Variants in ZCCHC17 observed in about 807,000 individuals in gnomAD.
ZCCHC17 encodes zinc finger CCHC-type containing 17.
In ZCCHC17, 18 loss-of-function variants were observed where a neutral mutation model predicts 30.6. The observed-to-expected ratio is 0.59, with a 90% confidence interval of 0.41 to 0.87. The LOEUF is 0.87. Among genes scored for constraint, ZCCHC17 ranks in the 40% least tolerant of loss-of-function variants. The pLI is 0.00. For missense variants in ZCCHC17, 263 were observed against 284.2 expected (o/e 0.93, Z 0.54); for synonymous variants, 88 against 92.4 (o/e 0.95, Z 0.27).
intron 1 of ZCCHC17, among the ~76,000 whole-genome samples, chr1:31,303,693 A>G (rs1646375487): frequency 6.6e-6 from 1 of 152,178 alleles, no homozygotes; most frequent in Non-Finnish European, 1.5e-5. Flanking sequence ...GGAAGCATGT[A>G]CAGATAACAT....
intron 5 of ZCCHC17, 117 bp from the exon 6 acceptor site, chr1:31,346,521 CTT>C: frequency 8.3e-7 from 1 of 1,199,234 alleles, no homozygotes; most frequent in Non-Finnish European, 1.1e-6. Flanking sequence ...CTGTCAAAAA[CTT>C]TCTTTCTTTC....
At chr1:31,343,346 C>A (rs1639116328) in intron 5 of ZCCHC17, among the ~76,000 whole-genome samples, 1 of 152,200 alleles carries the variant, frequency 6.6e-6, no homozygotes, top group South Asian at 2.1e-4. Context: ...AGGCGTGAGC[C>A]ATCACACCCA....
chr1:31,345,551 TATATATATATAATATA>T (rs1238124991), intron 5 of ZCCHC17, among the ~76,000 whole-genome samples: 2 of 140,616 alleles, frequency 1.4e-5, no homozygotes, highest in African/African-American at 5.3e-5. Flanking sequence ...GACATTTATA[TATATATATATAATATA>T]ATATATATAT....
At chr1:31,337,973 TTTTC>T (rs1206906222) in intron 4 of ZCCHC17, among the ~76,000 whole-genome samples, 1 of 151,808 alleles carries the variant, frequency 6.6e-6, no homozygotes, top group Non-Finnish European at 1.5e-5. Context: ...TAGAGACAAT[TTTTC>T]TTTCTTTTTT....
In ZCCHC17 at chr1:31,346,358, C is replaced by T. The variant is rs1008616690; in HGVS notation, c.318-282C>T. On this transcript the variant is annotated intron_variant, in intron 5 of 7. Transcript: ENST00000344147. ...GAAAGCCTTTGAAGGTCTTTTAAAC[C>T]TATGAGTGACCTGGTAAGGGTTGTA... 2.0e-5 allele frequency among the ~76,000 whole-genome samples: 3 copies of T among 152,250 alleles called. No homozygotes were observed. In the South Asian group the frequency reaches 6.2e-4, roughly 32 times the overall value.
intron 5 of ZCCHC17, among the ~76,000 whole-genome samples, chr1:31,342,561 C>T (rs934816102): frequency 4.6e-5 from 7 of 152,126 alleles, no homozygotes; most frequent in East Asian, 1.9e-4. Flanking sequence ...ATAGGGGGTG[C>T]GCAACCTAGA....
intron 2 of ZCCHC17, among the ~76,000 whole-genome samples, chr1:31,310,791 G>A (rs549385795): frequency 6.6e-6 from 1 of 152,292 alleles, no homozygotes; most frequent in East Asian, 1.9e-4. Context: ...TTCTCTTCTA[G>A]ATGTTTTCAC....
chr1:31,338,561 G>A (rs1638911764), intron 4 of ZCCHC17, among the ~76,000 whole-genome samples: 1 of 152,212 alleles, frequency 6.6e-6, no homozygotes, highest in Non-Finnish European at 1.5e-5. Flanking sequence ...CATGCTTAAA[G>A]AAGCTCTAGA....
intron 5 of ZCCHC17, among the ~76,000 whole-genome samples, chr1:31,346,269 A>C (rs1183320425): frequency 6.6e-6 from 1 of 152,170 alleles, no homozygotes; most frequent in Non-Finnish European, 1.5e-5. Flanking sequence ...CTGGAAAAGT[A>C]GTTTAGAGAC....
chr1:31,364,052 T>G lies in ZCCHC17; in HGVS notation c.585T>G (p.His195Gln), dbSNP rs759359470. 3.3e-5 allele frequency: 54 copies of G among 1,611,964 alleles called. No homozygotes were observed. The highest frequency in any genetic ancestry group is 5.1e-5 in the Admixed American group (3 of 59,380). ...TTCAGGAGAAGAAGAAAAAGAAACA[T>G]AGAGATAGGAAGTCATCTGACTCTG... ...KRKKEKKKKK[H>Q]RDRKSSDSDS... Residue 195 changes from histidine to glutamine, a missense_variant, in exon 8 of 8, where the codon CAT becomes CAG. His to Gln is a conservative substitution (Grantham distance 24). Transcript: ENST00000344147.
chr1:31,341,844 T>C (rs985904118), intron 5 of ZCCHC17, among the ~76,000 whole-genome samples: 3 of 152,236 alleles, frequency 2.0e-5, no homozygotes, highest in East Asian at 3.8e-4. Flanking sequence ...ATGGTAGACA[T>C]ACATGTAGCT....
chr1:31,345,497 A>G (rs1001510412), intron 5 of ZCCHC17, among the ~76,000 whole-genome samples: 1 of 80,222 alleles, frequency 1.2e-5, no homozygotes, highest in East Asian at 6.6e-4. Flanking sequence ...TTACTTTGGT[A>G]TGTTCAAATT....
chr1:31,314,398 A>T (rs1318918521), intron 2 of ZCCHC17, among the ~76,000 whole-genome samples: 1 of 151,992 alleles, frequency 6.6e-6, no homozygotes, highest in South Asian at 2.1e-4. Context: ...TAAACATTTA[A>T]TGAGTACCCA....
At chr1:31,306,784 C>G (rs1427956016) in intron 1 of ZCCHC17, among the ~76,000 whole-genome samples, 1 of 152,184 alleles carries the variant, frequency 6.6e-6, no homozygotes, top group Non-Finnish European at 1.5e-5. Context: ...CCTCTTGCTT[C>G]AGCCTCCCAA....
chr1:31,329,296 A>G (rs1185669081), intron 3 of ZCCHC17, among the ~76,000 whole-genome samples: 1 of 152,234 alleles, frequency 6.6e-6, no homozygotes, highest in East Asian at 1.9e-4. Context: ...AACTTAAAAC[A>G]GCTACATGAC....
chr1:31,329,306 C>T (rs1638484505), intron 3 of ZCCHC17, among the ~76,000 whole-genome samples: 1 of 152,088 alleles, frequency 6.6e-6, no homozygotes, highest in South Asian at 2.1e-4. Flanking sequence ...AGCTACATGA[C>T]TAGTGACTAT....
At chr1:31,339,275 C>T (rs1333295533) in intron 5 of ZCCHC17, among the ~76,000 whole-genome samples, 16 of 152,200 alleles carry the variant, frequency 1.1e-4, no homozygotes, top group Admixed American at 1.0e-3. Context: ...GTGGGCGGAT[C>T]ACCTAAGAGG....
At position 31,361,668 on chromosome 1, in the gene ZCCHC17, C is replaced by CA. The variant is rs146128394; in HGVS notation, c.565-2363dup. 5.8e-3 allele frequency among the ~76,000 whole-genome samples: 879 copies of CA among 152,316 alleles called. 70 individuals are homozygous for CA. The East Asian group carries it at 0.14, about 25-fold the overall frequency. ...AGGAGATTTCCATTCATATGATCTA[C>CA]ATGAAGATCCCAACTGCGCCTATGC... On this transcript the variant is annotated intron_variant, in intron 7 of 7. Coordinates refer to ENST00000344147, the MANE Select transcript of ZCCHC17 (RefSeq NM_016505.4).
Position 31,364,128 on chromosome 1 carries a change from A to C in ZCCHC17, c.661A>C (p.Lys221Gln). ...AGGCAAGAGGGCAAGGCACACATCA[A>C]AAGACAGCAAGGCAGCAAAGAAGAA... Reference protein sequence around the residue: ...DTGKRARHTSKDSKAAKKKKK... With the variant: ...DTGKRARHTSQDSKAAKKKKK... Residue 221 changes from lysine to glutamine, a missense_variant, in exon 8 of 8, where the codon AAA becomes CAA. Physicochemically the swap from Lys to Gln is moderately conservative, Grantham distance 53. Transcript: ENST00000344147. 1 of 1,613,948 alleles carries C rather than the reference A, an allele frequency of 6.2e-7. No individual in the cohort carries two copies. The highest frequency in any genetic ancestry group is 8.5e-7 in the Non-Finnish European group (1 of 1,179,902).
Sources: allele counts gnomAD v4.1 joint callset (sites outside exome capture counted in the v4.1 genomes callset), GRCh38; gene constraint gnomAD v4.1.1; transcripts MANE v1.5; gene names NCBI Gene and HGNC (gene_info 2026-07-23, HGNC 2026-07-21).